The following EPS8 variants were observed in gnomAD, a reference collection of about 807,000 sequenced individuals.
The protein encoded by EPS8 is epidermal growth factor receptor kinase substrate 8.
Under a neutral mutation model 103.8 loss-of-function variants are expected in EPS8, and 42 were observed. The observed-to-expected ratio is 0.40, with a 90% CI of 0.32 to 0.52. The LOEUF (loss-of-function observed/expected upper bound fraction) is 0.52. EPS8 is among the 20% of genes least tolerant of loss of function. The pLI, the probability that EPS8 is intolerant of heterozygous loss-of-function variation, is 0.40. For synonymous variants in EPS8, 344 were observed against 344.6 expected, an observed-to-expected ratio of 1.00 and a Z score of 0.02; for missense variants, 969 against 1,005.1, an observed-to-expected ratio of 0.96 and a Z score of 0.49.
chr12:15,636,105 G>A (rs1434610533), intron 17 of EPS8, among the ~76,000 whole-genome samples: 1 of 152,094 alleles, frequency 6.6e-6, no homozygotes, highest in Non-Finnish European at 1.5e-5. Flanking sequence ...TCTAGCAGAC[G>A]AGCAGTCACA....
chr12:15,647,009 T>C, intron 15 of EPS8, 118 bp downstream of exon 15: 1 of 962,452 alleles, frequency 1.0e-6, no homozygotes, highest in African/African-American at 1.6e-5. Context: ...CTTTATCAAC[T>C]AATTAACAGA....
rs1024922863 is a variant in EPS8, at chr12:15,784,694, C to A, written c.-22+4467G>T. On this transcript the variant is annotated intron_variant, in intron 1 of 20. Transcript: ENST00000281172. The surrounding 1 kb of genome is among the most constrained non-coding windows in gnomAD (Gnocchi z 4.0). ...ACCCAAAAACCTGCATGTGAATATT[C>A]ATAGCAGCTTCGTTCATACTTGCCA... 6.6e-6 allele frequency among the ~76,000 whole-genome samples: 1 copy of A among 152,128 alleles called. No individual in the cohort carries two copies. The highest frequency in any genetic ancestry group is 2.4e-5 in the African/African-American group (1 of 41,434).
chr12:15,685,730 T>C (rs1946084950), intron 1 of EPS8, among the ~76,000 whole-genome samples: 2 of 152,162 alleles, frequency 1.3e-5, no homozygotes, highest in African/African-American at 4.8e-5. Flanking sequence ...AATACCCAAT[T>C]TGAGCGATTG....
rs1008330716 is a variant in EPS8 at position 15,696,065 on chromosome 12, C to G, written c.-21-13093G>C. Among the ~76,000 whole-genome samples the G allele has an allele frequency of 6.6e-6, 1 of 152,182 alleles. No homozygotes were observed. Among genetic ancestry groups the G allele is most frequent in the Non-Finnish European group, 1.5e-5 (1 of 68,034 alleles). ...CTGAGAGATTCATTCTGAAAATGTT[C>G]TCTCAGGATTTCTCTATTTAAAATC... On this transcript the variant is annotated intron_variant, in intron 1 of 20. Coordinates refer to ENST00000281172, the MANE Select transcript of EPS8 (RefSeq NM_004447.6). The surrounding 1 kb of genome is among the most constrained non-coding windows in gnomAD (Gnocchi z 4.8).
chr12:15,664,944 G>A (rs1328704646), intron 8 of EPS8: 1 of 152,074 alleles, frequency 6.6e-6, no homozygotes, highest in Non-Finnish European at 1.5e-5. Context: ...TGTTATAATT[G>A]TTTTTAAACA....
intron 1 of EPS8, among the ~76,000 whole-genome samples, chr12:15,685,488 TG>T (rs1188673290): frequency 3.9e-5 from 6 of 152,236 alleles, no homozygotes; most frequent in African/African-American, 1.4e-4. Flanking sequence ...TAATGAAAAG[TG>T]ATAGCCACAG....
chr12:15,633,816 T>C (rs549541343), intron 17 of EPS8, among the ~76,000 whole-genome samples: 1 of 152,306 alleles, frequency 6.6e-6, no homozygotes, highest in African/African-American at 2.4e-5. Context: ...TGGTTCTGAA[T>C]GGCAACCTAG....
chr12:15,712,188 T>C (rs904982595), intron 1 of EPS8, among the ~76,000 whole-genome samples: 1 of 152,132 alleles, frequency 6.6e-6, no homozygotes, highest in Non-Finnish European at 1.5e-5. Flanking sequence ...CTTAAAAGCT[T>C]CCATTAATTG....
In EPS8 at chr12:15,669,461, C is replaced by A; in HGVS notation, c.442G>T (p.Val148Phe). 1 of 1,614,000 alleles carries A rather than the reference C, an allele frequency of 6.2e-7. No homozygotes were observed. The highest frequency in any genetic ancestry group is 1.3e-5 in the African/African-American group (1 of 75,032). Residue 148 changes from valine to phenylalanine, a missense_variant, in exon 6 of 21, where the codon GTT becomes TTT. Transcript: ENST00000281172. ...AVMHSCSYDSVLALVCKEPTQ... is the reference protein window; with the variant it reads ...AVMHSCSYDSFLALVCKEPTQ... ...GGCTCTTTGCACACCAGTGCAAGAA[C>A]TGAATCATAGCTGCATGAATGCATC...
At chr12:15,625,960 C>G (rs4447225) in intron 18 of EPS8, among the ~76,000 whole-genome samples, 144,059 of 152,258 alleles carry the variant, frequency 0.95, 68,551 homozygotes, top group Non-Finnish European at 1. Flanking sequence ...TTGGGTATTT[C>G]TTAAATAGCT....
Position 15,666,035 on chromosome 12 carries a change from T to C in EPS8, c.600-143A>G, listed in dbSNP as rs545432720. 3.3e-5 allele frequency: 27 copies of C among 825,322 alleles called. No individual in the cohort carries two copies. The South Asian group carries it at 3.3e-4, about 10-fold the overall frequency. 51.1% of individuals were successfully genotyped at this position (825,322 alleles called of 1,614,324 possible). On this transcript the variant is annotated intron_variant, in intron 7 of 20. Coordinates refer to ENST00000281172, the MANE Select transcript of EPS8 (RefSeq NM_004447.6). ...AGGATTTCCTAAGCATTACACATTA[T>C]GCATATTTATGAATGCATATGAAAT...
At chr12:15,681,846 T>C (rs1297470562) in intron 2 of EPS8, among the ~76,000 whole-genome samples, 23 of 151,826 alleles carry the variant, frequency 1.5e-4, no homozygotes, top group Non-Finnish European at 1.5e-5. Flanking sequence ...AAATAAATAG[T>C]GCTTTATTTG....
intron 1 of EPS8, among the ~76,000 whole-genome samples, chr12:15,732,985 A>G (rs1441917019): frequency 2.6e-5 from 4 of 152,358 alleles, no homozygotes; most frequent in Non-Finnish European, 5.9e-5. Context: ...CCACCTAGGT[A>G]GTCATGACTA....
chr12:15,658,645 A>G, intron 10 of EPS8, 60 bp from the exon 11 acceptor site: 1 of 1,094,664 alleles, frequency 9.1e-7, no homozygotes, highest in Non-Finnish European at 1.4e-6. Flanking sequence ...TATTAAATGG[A>G]AAAACAAAAA....
intron 3 of EPS8, among the ~76,000 whole-genome samples, chr12:15,673,911 G>A (rs189509934): frequency 1.3e-5 from 2 of 152,264 alleles, no homozygotes; most frequent in African/African-American, 4.8e-5. Context: ...ACCACTGGTT[G>A]TGTTTCACTA....
At chr12:15,678,066 C>T (rs1398506618) in intron 3 of EPS8, among the ~76,000 whole-genome samples, 2 of 152,108 alleles carry the variant, frequency 1.3e-5, no homozygotes, top group East Asian at 3.9e-4. Flanking sequence ...AAGCCTGTCT[C>T]TTTTCCATGT....
chr12:15,685,131 C>T (rs545241520), intron 1 of EPS8, among the ~76,000 whole-genome samples: 10 of 152,252 alleles, frequency 6.6e-5, no homozygotes, highest in South Asian at 6.2e-4. Context: ...ATCATTGCTA[C>T]GTTCTATAAT....
At position 15,697,010 on chromosome 12, in the gene EPS8, G is replaced by A. The variant is rs1946252336; in HGVS notation, c.-21-14038C>T. Among the ~76,000 whole-genome samples, 1 of 152,134 alleles carries A rather than the reference G, an allele frequency of 6.6e-6. No individual in the cohort carries two copies. Among genetic ancestry groups the A allele is most frequent in the African/African-American group, 2.4e-5 (1 of 41,438 alleles). On this transcript the variant is annotated intron_variant, in intron 1 of 20. Transcript: ENST00000281172. This position sits in a 1 kb window ranked among gnomAD's most constrained non-coding sequence, Gnocchi z 5.6. ...CTATTTTAGGTCAGAAAGAAGAGGA[G>A]ATTTGAAGAGGGAATTATCGTAAGG... is the stretch of plus-strand genomic sequence containing the variant.
intron 1 of EPS8, among the ~76,000 whole-genome samples, chr12:15,774,176 G>A (rs1326577477): frequency 6.6e-6 from 1 of 151,814 alleles, no homozygotes; most frequent in Non-Finnish European, 1.5e-5. Context: ...TCTGGTAATG[G>A]TTTGCTTGAG....
Sources: allele counts gnomAD v4.1 joint callset (sites outside exome capture counted in the v4.1 genomes callset), GRCh38; gene constraint gnomAD v4.1.1; non-coding constraint Gnocchi (gnomAD v3.1); transcripts MANE v1.5; gene names NCBI Gene and HGNC (gene_info 2026-07-23, HGNC 2026-07-21).